The following MST1R variants were observed in gnomAD, a reference collection of about 807,000 sequenced individuals.
The protein encoded by MST1R is macrophage stimulating 1 receptor.
Under a neutral mutation model 117.8 loss-of-function variants are expected in MST1R, and 99 were observed. The observed-to-expected ratio is 0.84, with a 90% confidence interval of 0.71 to 0.99. The LOEUF (loss-of-function observed/expected upper bound fraction) is 0.99. Ranked by LOEUF, MST1R falls within the 50% of genes least tolerant of loss-of-function variation. The probability of loss-of-function intolerance (pLI) is 0.00; values close to 1 mark genes in which losing one functional copy is unlikely to be tolerated. For synonymous variants in MST1R, 734 were observed against 765.3 expected, an observed-to-expected ratio of 0.96 and a Z score of 0.68; for missense variants, 1,683 against 1,840.2, an observed-to-expected ratio of 0.91 and a Z score of 1.56.
At position 49,896,260 on chromosome 3, in the gene MST1R, G is replaced by C. The variant is rs758333439; in HGVS notation, c.2584C>G (p.Pro862Ala). The change falls in exon 10 of 20, where the codon CCA becomes GCA. Residue 862 changes from proline (P) to alanine (A), a missense_variant. Transcript: ENST00000296474. ...FTLPGFRFLP[P>A]PHPPSANLVP... ...AGGTTGGCACTGGGTGGATGGGGTG[G>C]GGGTAGGAAGCGAAAGCCAGGCAGT... 2 of 1,614,168 alleles carry C rather than the reference G, an allele frequency of 1.2e-6. No individual in the cohort carries two copies. Among genetic ancestry groups the C allele is most frequent in the South Asian group, 2.2e-5 (2 of 91,076 alleles).
At position 49,895,319 on chromosome 3, in the gene MST1R, A is replaced by G; in HGVS notation, c.3119T>C (p.Phe1040Ser). 1.2e-6 allele frequency: 2 copies of G among 1,614,202 alleles called. No individual in the cohort carries two copies. Among genetic ancestry groups the G allele is most frequent in the Non-Finnish European group, 1.7e-6 (2 of 1,180,048 alleles). Reference sequence around the variant, plus strand: ...ACAGGATTCATCTTCACTATCGGAGAAGGATGCTCCATGGACACAAGTGGT... The same window carrying G: ...ACAGGATTCATCTTCACTATCGGAGGAGGATGCTCCATGGACACAAGTGGT... ...DSTTCVHGASFSDSEDESCVP... is the reference protein window; with the variant it reads ...DSTTCVHGASSSDSEDESCVP... Residue 1040 changes from phenylalanine (F) to serine (S), a missense_variant, in exon 14 of 20, where the codon TTC (phenylalanine) becomes TCC (serine). By Grantham distance (155) the Phe-to-Ser change is radical. Transcript: ENST00000296474.
At chr3:49,893,961 C>T (rs1575431766) in intron 14 of MST1R, among the ~76,000 whole-genome samples, 1 of 150,600 alleles carries the variant, frequency 6.6e-6, no homozygotes, top group Non-Finnish European at 1.5e-5. Flanking sequence ...TGCCTGTAAT[C>T]CTAGCACTTT....
rs200821496 is a variant in MST1R, at chr3:49,898,679, C to A, written c.1558G>T (p.Val520Leu). Residue 520 changes from valine (V) to leucine (L), a missense_variant, in exon 4 of 20, where the codon GTA (valine) becomes TTA (leucine). Coordinates refer to ENST00000296474, the MANE Select transcript of MST1R (RefSeq NM_002447.4). ...LFASGDQVFQ[V>L]PIQGPGCRHF... Reference sequence around the variant, plus strand: ...CGGCAGCCAGGGCCTTGGATAGGTACCTGGAAAACCTGTGGGTGAAAGACA... The same window carrying A: ...CGGCAGCCAGGGCCTTGGATAGGTAACTGGAAAACCTGTGGGTGAAAGACA... 1 of 1,614,020 alleles carries A rather than the reference C, an allele frequency of 6.2e-7. No homozygotes were observed. The highest frequency in any genetic ancestry group is 1.1e-5 in the South Asian group (1 of 91,066).
At position 49,903,565 on chromosome 3, in the gene MST1R, C is replaced by A; in HGVS notation, c.45G>T (p.Leu15=). ...CCGCCGCGGGCTTGGCAGGCAACAG[C>A]AGCAGCAACAGGAAGGACTGAGGCA... ...PPLPQSFLLL[L]LLPAKPAAGE... Residue 15 remains leucine, a synonymous_variant, in exon 1 of 20, where the codon CTG becomes CTT. Transcript: ENST00000296474. 6.3e-7 allele frequency: 1 copy of A among 1,589,002 alleles called. No individual in the cohort carries two copies.
chr3:49,902,812 C>T lies in MST1R; in HGVS notation c.798G>A (p.Pro266=), dbSNP rs1384281319. The change falls in exon 1 of 20, where the codon CCG becomes CCA. Residue 266 remains proline (P), a synonymous_variant. Coordinates refer to ENST00000296474, the MANE Select transcript of MST1R (RefSeq NM_002447.4). The part of the protein sequence containing the change: ...GAFVYFLTVQ[P]ASVTDDPSAL... ...CACTAGGATCATCTGTCACGCTGGC[C>T]GGCTGTACAGTCAGGAAGTATACGA... The T allele has an allele frequency of 1.3e-5, 21 of 1,613,672 alleles. No individual in the cohort carries two copies. The highest frequency in any genetic ancestry group is 1.6e-5 in the Non-Finnish European group (19 of 1,180,046).
intron 17 of MST1R, among the ~76,000 whole-genome samples, chr3:49,890,965 A>G (rs1000344143): frequency 2.0e-5 from 3 of 152,122 alleles, no homozygotes; most frequent in Non-Finnish European, 4.4e-5. Flanking sequence ...TGACCTCATG[A>G]TCCGCCTTCC....
rs1330539521 is a variant in MST1R at position 49,903,691 on chromosome 3, G to A, written c.-82C>T. ...GGGCCTGGCTGGGGGCCCGACTCGA[G>A]GTCTGGACTGGGCCAAATTTAAGCA... is the stretch of plus-strand genomic sequence containing the variant. On this transcript the variant is annotated 5_prime_UTR_variant, in exon 1 of 20. Coordinates refer to ENST00000296474, the MANE Select transcript of MST1R (RefSeq NM_002447.4). 9.4e-6 allele frequency: 14 copies of A among 1,493,972 alleles called. No homozygotes were observed. Among genetic ancestry groups the A allele is most frequent in the Non-Finnish European group, 1.2e-5 (14 of 1,129,376 alleles). The allele number at this position is 1,493,972 out of a possible 1,614,324, so 92.5% of individuals were successfully genotyped here.
At chr3:49,892,109 A>C (rs1286116749) in intron 14 of MST1R, among the ~76,000 whole-genome samples, 1 of 151,788 alleles carries the variant, frequency 6.6e-6, no homozygotes, top group Non-Finnish European at 1.5e-5. Context: ...GATTACAGGC[A>C]ACTGCCACTA....
At chr3:49,891,093 G>T in intron 17 of MST1R, 104 bp downstream of exon 17, 1 of 1,010,250 alleles carries the variant, frequency 9.9e-7, no homozygotes, top group Non-Finnish European at 1.5e-6. Flanking sequence ...GGTGCAGAGA[G>T]GGGAGGACAA....
rs746385561 is a variant in MST1R, at chr3:49,896,296, C to T, written c.2548G>A (p.Ala850Thr). The change falls in exon 10 of 20, where the codon GCT (alanine) becomes ACT (threonine). Residue 850 changes from alanine (A) to threonine (T), a missense_variant. By Grantham distance (58) the Ala-to-Thr change is moderately conservative (BLOSUM62 0). Transcript: ENST00000296474. ...GNLSARGDGA[A>T]GFTLPGFRFL... ...CGAAAGCCAGGCAGTGTAAAGCCAG[C>T]AGCTCCATCCCCTCGGGCACTCAGA... The T allele has an allele frequency of 1.2e-6, 2 of 1,614,150 alleles. No homozygotes were observed.
Position 49,896,577 on chromosome 3 carries a change from A to T in MST1R, c.2402T>A (p.Leu801Gln). ...QHLTSAWHLVLSFHDGLRAVE... is the reference protein window; with the variant it reads ...QHLTSAWHLVQSFHDGLRAVE... ...TGCCCTAAGCCCGTCATGGAATGAC[A>T]GCACTAAGTGCCATGCTGAAGTTAG... is the stretch of plus-strand genomic sequence containing the variant. The change falls in exon 9 of 20, where the codon CTG becomes CAG. Residue 801 changes from leucine to glutamine, a missense_variant. By Grantham distance (113) the Leu-to-Gln change is moderately radical. Transcript: ENST00000296474. The T allele has an allele frequency of 9.9e-6, 16 of 1,614,214 alleles. No individual in the cohort carries two copies. The highest frequency in any genetic ancestry group is 1.1e-5 in the Non-Finnish European group (13 of 1,180,040).
chr3:49,888,980 G>A (rs1276182967), intron 19 of MST1R, among the ~76,000 whole-genome samples: 2 of 152,218 alleles, frequency 1.3e-5, no homozygotes, highest in Non-Finnish European at 2.9e-5. Flanking sequence ...CTAGGCAGAA[G>A]AGAACTGCCT....
chr3:49,887,699 CA>C (rs1169562318), intron 19 of MST1R, 137 bp from the exon 20 acceptor site: 2 of 906,206 alleles, frequency 2.2e-6, no homozygotes, highest in African/African-American at 1.6e-5. Flanking sequence ...ACTACCCAAT[CA>C]GGGGCAGCTC....
chr3:49,896,439 A>AC (rs2108445889), intron 9 of MST1R, 35 bp from the exon 10 acceptor site: 1 of 1,606,082 alleles, frequency 6.2e-7, no homozygotes, highest in Non-Finnish European at 8.5e-7. Flanking sequence ...TTAGCCAGGA[A>AC]CCCCACCTGT....
At chr3:49,894,524 T>C (rs1467230390) in intron 14 of MST1R, among the ~76,000 whole-genome samples, 2 of 148,332 alleles carry the variant, frequency 1.3e-5, no homozygotes, top group Middle Eastern at 3.9e-3. Flanking sequence ...GCCATGATTG[T>C]GCCATTGCAC....
intron 5 of MST1R, 145 bp downstream of exon 5, chr3:49,897,906 C>A (rs1056077038): frequency 8.0e-7 from 1 of 1,249,452 alleles, no homozygotes; most frequent in Non-Finnish European, 1.1e-6. Context: ...GGACAGAGAC[C>A]TTTTTGACTC....
At position 49,896,276 on chromosome 3, in the gene MST1R, G is replaced by C. The variant is rs1369551252; in HGVS notation, c.2568C>G (p.Gly856=). The change falls in exon 10 of 20, where the codon GGC becomes GGG. Residue 856 remains glycine, a synonymous_variant. Coordinates refer to ENST00000296474, the MANE Select transcript of MST1R (RefSeq NM_002447.4). ...GATGGGGTGGGGGTAGGAAGCGAAA[G>C]CCAGGCAGTGTAAAGCCAGCAGCTC... ...GDGAAGFTLP[G]FRFLPPPHPP... The C allele has an allele frequency of 6.2e-7, 1 of 1,614,176 alleles. No homozygotes were observed. The highest frequency in any genetic ancestry group is 2.2e-5 in the East Asian group (1 of 44,880).
chr3:49,887,064 G>C lies in MST1R; in HGVS notation c.*243C>G. On this transcript the variant is annotated 3_prime_UTR_variant, in exon 20 of 20. Transcript: ENST00000296474. ...AAGGGTCAGTGTTGGTGTGGTCACT[G>C]CTGAGTCCACTGTGCCCAGAAGACA... The C allele has an allele frequency of 1.7e-6, 1 of 593,916 alleles. No individual in the cohort carries two copies. The highest frequency in any genetic ancestry group is 3.0e-5 in the Admixed American group (1 of 32,880). 36.8% of individuals were successfully genotyped at this position (593,916 alleles called of 1,614,324 possible).
Position 49,890,466 on chromosome 3 carries a change from A to C in MST1R, c.3810+19T>G. 2 of 1,603,164 alleles carry C rather than the reference A, an allele frequency of 1.2e-6. No individual in the cohort carries two copies. Among genetic ancestry groups the C allele is most frequent in the Non-Finnish European group, 1.7e-6 (2 of 1,173,218 alleles). On this transcript the variant is annotated intron_variant, in intron 18 of 19. Coordinates refer to ENST00000296474, the MANE Select transcript of MST1R (RefSeq NM_002447.4). Reference sequence around the variant, plus strand: ...TGGGTGCCAAAGCCATGTGGACTGTAGGGCAGGTGGGGCCTCACCACATCA... The same window carrying C: ...TGGGTGCCAAAGCCATGTGGACTGTCGGGCAGGTGGGGCCTCACCACATCA...
Sources: allele counts gnomAD v4.1 joint callset (sites outside exome capture counted in the v4.1 genomes callset), GRCh38; gene constraint gnomAD v4.1.1; transcripts MANE v1.5; gene names NCBI Gene and HGNC (gene_info 2026-07-23, HGNC 2026-07-21).